SERPINB8: variants seen among roughly 807,000 people sequenced by gnomAD.
The protein encoded by SERPINB8 is serpin family B member 8.
A neutral mutation model predicts 35.3 loss-of-function variants in SERPINB8; 25 were observed. That is an observed-to-expected ratio of 0.71 (90% CI 0.52 to 0.99). SERPINB8 has a LOEUF of 0.99. SERPINB8 is among the 50% of genes least tolerant of loss of function. The pLI is 0.00. For synonymous variants in SERPINB8, 186 were observed against 160.8 expected, an observed-to-expected ratio of 1.16 and a Z score of -1.19; for missense variants, 484 against 446.5, an observed-to-expected ratio of 1.08 and a Z score of -0.76.
rs1034851246 is a variant in SERPINB8, at chr18:63,987,571, C to T, written c.*293C>T. 1.3e-4 allele frequency: 42 copies of T among 333,328 alleles called. No individual in the cohort carries two copies. Among genetic ancestry groups the T allele is most frequent in the Middle Eastern group, 1.7e-3 (2 of 1,202 alleles). The allele number at this position is 333,328 out of a possible 1,614,324, so 20.6% of individuals were successfully genotyped here. A position where few individuals can be genotyped will look rare whatever the true frequency, so the allele number is the denominator to read the frequency against. On this transcript the variant is annotated 3_prime_UTR_variant, in exon 7 of 7. Transcript: ENST00000397985. ...CATTGTTTCAGGGGATCTTATGGAG[C>T]ATCTCAGGGCTTCAGGAGCCAGCCC...
At chr18:63,986,020 G>A (rs1162292508) in intron 6 of SERPINB8, among the ~76,000 whole-genome samples, 1 of 152,166 alleles carries the variant, frequency 6.6e-6, no homozygotes, top group Non-Finnish European at 1.5e-5. Flanking sequence ...GGATGTTGAG[G>A]GTGGGCTGCT....
intron 7 of SERPINB8, among the ~76,000 whole-genome samples, chr18:64,018,204 A>G (rs1374311956): frequency 1.3e-5 from 2 of 152,152 alleles, no homozygotes; most frequent in African/African-American, 4.8e-5. Flanking sequence ...TTGGTTTTTA[A>G]TTTTATTTTT....
At chr18:64,009,882 A>G (rs139811016), downstream of SERPINB8, among the ~76,000 whole-genome samples, 261 of 152,320 alleles carry the variant, frequency 1.7e-3, 1 homozygote, top group African/African-American at 6.1e-3. Flanking sequence ...GAAGTGAAGG[A>G]TTTTTGTCAT....
At chr18:63,991,087 T>C (rs1187117743), downstream of SERPINB8, among the ~76,000 whole-genome samples, 1 of 152,242 alleles carries the variant, frequency 6.6e-6, no homozygotes, top group East Asian at 1.9e-4. Context: ...CTTGTCTATC[T>C]TGATGTCAAT....
intron 1 of SERPINB8, among the ~76,000 whole-genome samples, chr18:63,976,565 T>A (rs2144793913): frequency 6.6e-6 from 1 of 152,246 alleles, no homozygotes; most frequent in East Asian, 1.9e-4. Flanking sequence ...AAGATTTACA[T>A]CTCAAAGGGG....
At chr18:63,973,869 A>T (rs915025151) in intron 1 of SERPINB8, among the ~76,000 whole-genome samples, 1 of 152,250 alleles carries the variant, frequency 6.6e-6, no homozygotes, top group Non-Finnish European at 1.5e-5. Context: ...TACCAGTACC[A>T]TGCTGTTTTG....
chr18:63,986,800 G>A (rs2050761668), intron 6 of SERPINB8, 74 bp from the exon 7 acceptor site: 4 of 1,428,062 alleles, frequency 2.8e-6, no homozygotes, highest in South Asian at 1.4e-5. Flanking sequence ...CATTGGGGGA[G>A]GGGTAATAAA....
At chr18:64,004,039 C>T (rs986996352) in intron 1 of SERPINB8, among the ~76,000 whole-genome samples, 2 of 152,186 alleles carry the variant, frequency 1.3e-5, no homozygotes, top group Non-Finnish European at 2.9e-5. Flanking sequence ...CTTTCTCACT[C>T]TGACATGGTA....
intron 7 of SERPINB8, among the ~76,000 whole-genome samples, chr18:64,012,572 T>A (rs2050930418): frequency 1.4e-5 from 1 of 71,132 alleles, no homozygotes; most frequent in South Asian, 7.5e-4. Flanking sequence ...TGTGTATGTA[T>A]GTGTGTGTGT....
chr18:64,001,475 G>GTTTATTTA (rs59133514), intron 1 of SERPINB8, among the ~76,000 whole-genome samples: 13,709 of 146,782 alleles, frequency 0.093, 715 homozygotes, highest in Middle Eastern at 0.14. Context: ...TTGTTTGTTT[G>GTTTATTTA]TTTATTTATT....
intron 1 of SERPINB8, among the ~76,000 whole-genome samples, chr18:63,999,282 C>T (rs2050863656): frequency 6.6e-6 from 1 of 152,196 alleles, no homozygotes; most frequent in South Asian, 2.1e-4. Flanking sequence ...TCTTTGGCTG[C>T]CATGCCACTG....
chr18:63,978,396 T>G lies in SERPINB8; in HGVS notation c.88T>G (p.Phe30Val). ...AGAGGACAACTCAAGAAACGTATTC[T>G]TCTCTCCCATGAGCATCTCCTCTGC... ...GEEDNSRNVF[F>V]SPMSISSALA... Residue 30 changes from phenylalanine to valine, a missense_variant, in exon 2 of 7, where the codon TTC becomes GTC. Coordinates refer to ENST00000397985, the MANE Select transcript of SERPINB8 (RefSeq NM_002640.4). 2.5e-6 allele frequency: 4 copies of G among 1,614,234 alleles called. No individual in the cohort carries two copies. The highest frequency in any genetic ancestry group is 2.5e-6 in the Non-Finnish European group (3 of 1,180,040).
In SERPINB8 at chr18:63,978,332, T is replaced by C; in HGVS notation, c.24T>C (p.Asn8=). 1 of 1,614,202 alleles carries C rather than the reference T, an allele frequency of 6.2e-7. No individual in the cohort carries two copies. The highest frequency in any genetic ancestry group is 8.5e-7 in the Non-Finnish European group (1 of 1,180,024). ...TGATGGATGACCTCTGTGAAGCAAA[T>C]GGCACTTTTGCCATCAGCTTATTTA... MDDLCEA[N]GTFAISLFKI... The change falls in exon 2 of 7, where the codon AAT becomes AAC. Residue 8 remains asparagine (N), a synonymous_variant. Coordinates refer to ENST00000397985, the MANE Select transcript of SERPINB8 (RefSeq NM_002640.4).
chr18:63,990,655 A>G (rs1482386782), downstream of SERPINB8, among the ~76,000 whole-genome samples: 9 of 151,604 alleles, frequency 5.9e-5, no homozygotes, highest in Non-Finnish European at 1.2e-4. Context: ...TCCTAATGCT[A>G]TCCCTCATCC....
At chr18:64,014,561 G>A (rs746573534) in intron 7 of SERPINB8, among the ~76,000 whole-genome samples, 22 of 152,112 alleles carry the variant, frequency 1.4e-4, no homozygotes, top group Non-Finnish European at 2.5e-4. Flanking sequence ...CCTTCCTCAT[G>A]CCAACTCTCT....
chr18:63,972,197 C>T lies in SERPINB8; in HGVS notation c.-11+2027C>T, dbSNP rs34381799. On this transcript the variant is annotated intron_variant, in intron 1 of 6. Coordinates refer to ENST00000397985, the MANE Select transcript of SERPINB8 (RefSeq NM_002640.4). Reference sequence around the variant, plus strand: ...CTCCCTCATCACATCCGCTTCCCTCCCCTCTGTATCACCACCTTCCTGAGT... The same window carrying T: ...CTCCCTCATCACATCCGCTTCCCTCTCCTCTGTATCACCACCTTCCTGAGT... Among the ~76,000 whole-genome samples the T allele has an allele frequency of 5.3e-3, 806 of 152,278 alleles. 7 individuals carry two copies. Among genetic ancestry groups the T allele is most frequent in the Middle Eastern group, 0.024 (7 of 294 alleles).
At chr18:63,970,215 C>T in intron 1 of SERPINB8, 45 bp downstream of exon 1, 1 of 245,150 alleles carries the variant, frequency 4.1e-6, no homozygotes, top group Non-Finnish European at 8.1e-6. Flanking sequence ...CACGGAGGTG[C>T]CCAGGTTCCC....
chr18:63,981,588 C>T lies in SERPINB8; in HGVS notation c.307-133C>T, dbSNP rs1043853865. ...GGCCCATACATTTTTGTTAATTGCA[C>T]GCATGCACCTTGAAGTGGAGTGTGA... On this transcript the variant is annotated intron_variant, in intron 3 of 6. Coordinates refer to ENST00000397985, the MANE Select transcript of SERPINB8 (RefSeq NM_002640.4). 5.3e-5 allele frequency: 35 copies of T among 663,602 alleles called. 1 individual carries two copies. The highest frequency in any genetic ancestry group is 4.4e-4 in the Middle Eastern group (1 of 2,284). The allele number at this position is 663,602 out of a possible 1,614,324, so 41.1% of individuals were successfully genotyped here.
chr18:63,985,937 C>T (rs368041120), intron 6 of SERPINB8, among the ~76,000 whole-genome samples: 5 of 152,238 alleles, frequency 3.3e-5, no homozygotes, highest in Admixed American at 2.6e-4. Context: ...GGTAAATACT[C>T]CCACCATGGC....
Sources: gnomAD v4.1 joint callset for allele counts (sites outside exome capture counted in the v4.1 genomes callset) on GRCh38, gnomAD v4.1.1 for gene constraint, MANE v1.5 for transcripts, NCBI Gene and HGNC (gene_info 2026-07-23, HGNC 2026-07-21) for gene names.